The following MAPK10 variants were observed in gnomAD, a reference collection of about 807,000 sequenced individuals.
MAPK10 encodes JNK3 alpha protein kinase.
A neutral mutation model predicts 59.3 loss-of-function variants in MAPK10; 25 were observed. The observed-to-expected ratio is 0.42, with a 90% CI of 0.31 to 0.59. The LOEUF (loss-of-function observed/expected upper bound fraction) is 0.59. MAPK10 is among the 20% of genes least tolerant of loss of function. The pLI, the probability that MAPK10 is intolerant of heterozygous loss-of-function variation, is 0.15. For synonymous variants in MAPK10, 190 were observed against 200.5 expected, an observed-to-expected ratio of 0.95 and a Z score of 0.44; for missense variants, 351 against 568.9, an observed-to-expected ratio of 0.62 and a Z score of 3.90.
chr4:86,103,250 A>AGAGAGCGG lies in MAPK10; in HGVS notation c.367-7_367-6insCCGCTCTC, dbSNP rs779752601. The AGAGAGCGG allele has an allele frequency of 2.9e-6, 4 of 1,390,646 alleles. No homozygotes were observed. In the African/African-American group the frequency reaches 5.5e-5, roughly 19 times the overall value. 86.1% of individuals were successfully genotyped at this position (1,390,646 alleles called of 1,614,324 possible). On this transcript the variant is annotated splice_polypyrimidine_tract_variant and splice_region_variant and intron_variant, in intron 5 of 13. Transcript: ENST00000641462. ...ACATTTAATAAACTAATAATCTGAA[A>AGAGAGCGG]GAGAGTGGAAGGGACAGAGGAAACG...
chr4:86,465,084 G>C (rs1443669264), intron 1 of MAPK10, among the ~76,000 whole-genome samples: 1 of 152,218 alleles, frequency 6.6e-6, no homozygotes, highest in Non-Finnish European at 1.5e-5. Context: ...TACAGGAGGA[G>C]TTAATCCTCG....
intron 2 of MAPK10, among the ~76,000 whole-genome samples, chr4:86,251,250 G>C (rs2093405498): frequency 6.6e-6 from 1 of 151,804 alleles, no homozygotes; most frequent in East Asian, 1.9e-4. Context: ...ATGTATACAT[G>C]TGCCATGCTG....
At chr4:86,101,824 A>C (rs2055458235) in intron 7 of MAPK10, 70 bp downstream of exon 7, 1 of 1,532,380 alleles carries the variant, frequency 6.5e-7, no homozygotes, top group South Asian at 1.1e-5. Flanking sequence ...CCCCCGTATA[A>C]AGAAAATAAT....
chr4:86,530,199 G>A (rs1383513126), intron 1 of MAPK10, among the ~76,000 whole-genome samples: 12 of 151,548 alleles, frequency 7.9e-5, no homozygotes, highest in Non-Finnish European at 1.5e-4. Flanking sequence ...AAGAACCTTG[G>A]GTGAGAACTC....
At chr4:86,542,518 A>G (rs897063143) in intron 1 of MAPK10, 3 of 154,148 alleles carry the variant, frequency 1.9e-5, no homozygotes, top group Non-Finnish European at 4.4e-5. Flanking sequence ...GGCTGTGCAC[A>G]CTACAGCCTT....
At chr4:86,106,704 GC>G (rs909826556) in intron 5 of MAPK10, 1 of 151,844 alleles carries the variant, frequency 6.6e-6, no homozygotes, top group Non-Finnish European at 1.5e-5. Context: ...TCACATACTT[GC>G]CCACCCCTGA....
At position 86,031,408 on chromosome 4, in the gene MAPK10, C is replaced by T. The variant is rs776195623; in HGVS notation, c.1134G>A (p.Lys378=). Residue 378 remains lysine, a synonymous_variant, in exon 12 of 14, where the codon AAG becomes AAA. Coordinates refer to ENST00000641462, the MANE Select transcript of MAPK10 (RefSeq NM_138982.4). ...VEAPPPQIYD[K]QLDEREHTIE... is the part of the protein sequence containing the mutation. ...TTGTGTGTTCTCTTTCATCCAACTG[C>T]TTGTCATATATCTGAGGTGGAGGCT... The T allele has an allele frequency of 3.5e-5, 56 of 1,612,568 alleles. No homozygotes were observed. The South Asian group carries it at 6.0e-4, about 17-fold the overall frequency.
intron 1 of MAPK10, among the ~76,000 whole-genome samples, chr4:86,511,678 A>G (rs951202383): frequency 6.0e-5 from 9 of 150,254 alleles, no homozygotes; most frequent in South Asian, 2.1e-4. Context: ...GAGGAAGAAG[A>G]AGAAGAACAG....
At chr4:86,075,634 T>G (rs1333470247) in intron 9 of MAPK10, among the ~76,000 whole-genome samples, 3 of 152,054 alleles carry the variant, frequency 2.0e-5, no homozygotes, top group Non-Finnish European at 2.9e-5. Flanking sequence ...CAGCTGCAGG[T>G]CTGTTGGAAT....
chr4:86,423,781 A>T (rs1218255346), intron 1 of MAPK10, among the ~76,000 whole-genome samples: 1 of 144,664 alleles, frequency 6.9e-6, no homozygotes, highest in African/African-American at 2.6e-5. Flanking sequence ...ATATATATAT[A>T]TATATATATA....
intron 1 of MAPK10, among the ~76,000 whole-genome samples, chr4:86,406,896 TTTTCA>T (rs948500156): frequency 1.3e-5 from 2 of 152,186 alleles, no homozygotes; most frequent in Non-Finnish European, 2.9e-5. Flanking sequence ...TAACAACACA[TTTTCA>T]TTTAACAACC....
chr4:86,026,840 C>A (rs934079303), intron 13 of MAPK10: 1 of 152,090 alleles, frequency 6.6e-6, no homozygotes, highest in African/African-American at 2.4e-5. Flanking sequence ...TTATTATACA[C>A]ACAAAAACGC....
At chr4:86,539,416 G>A (rs1260249018) in intron 1 of MAPK10, among the ~76,000 whole-genome samples, 1 of 152,112 alleles carries the variant, frequency 6.6e-6, no homozygotes, top group Non-Finnish European at 1.5e-5. Context: ...ACTAGATGAG[G>A]CAAAGCCAAT....
At chr4:86,288,309 A>T (rs1049912644) in intron 2 of MAPK10, among the ~76,000 whole-genome samples, 1 of 149,790 alleles carries the variant, frequency 6.7e-6, no homozygotes, top group Non-Finnish European at 1.5e-5. Context: ...TATCTCCTAA[A>T]GCTATCCCTC....
At chr4:86,286,803 T>G (rs962873952) in intron 2 of MAPK10, among the ~76,000 whole-genome samples, 1 of 152,180 alleles carries the variant, frequency 6.6e-6, no homozygotes, top group Non-Finnish European at 1.5e-5. Flanking sequence ...TCTCCCCACC[T>G]AATAGTAGCC....
chr4:86,585,551 C>T (rs903911947), intron 1 of MAPK10, among the ~76,000 whole-genome samples: 6 of 152,142 alleles, frequency 3.9e-5, no homozygotes, highest in African/African-American at 1.2e-4. Context: ...GAATGCATAA[C>T]GGTAGGTTTT....
intron 4 of MAPK10, among the ~76,000 whole-genome samples, chr4:86,144,639 C>T (rs924067844): frequency 6.6e-6 from 1 of 152,104 alleles, no homozygotes. Context: ...AGCAAGGTGG[C>T]AGCTGTATAG....
At chr4:86,044,561 T>C (rs568099627) in intron 11 of MAPK10, 2 of 392,358 alleles carry the variant, frequency 5.1e-6, no homozygotes, top group East Asian at 3.6e-5. Flanking sequence ...CAATCTTTAA[T>C]GGCATCTAGT....
At chr4:86,318,254 T>C (rs564098890) in intron 2 of MAPK10, among the ~76,000 whole-genome samples, 1 of 152,300 alleles carries the variant, frequency 6.6e-6, no homozygotes, top group South Asian at 2.1e-4. Flanking sequence ...GTTGATTTTA[T>C]GTAGAATTCA....
Sources: gnomAD v4.1 joint callset for allele counts (sites outside exome capture counted in the v4.1 genomes callset) on GRCh38, gnomAD v4.1.1 for gene constraint, MANE v1.5 for transcripts, NCBI Gene and HGNC (gene_info 2026-07-23, HGNC 2026-07-21) for gene names.